ITPR2: variants seen among roughly 807,000 people sequenced by gnomAD.
ITPR2 encodes inositol 1,4,5-trisphosphate-gated calcium channel ITPR2.
Under a neutral mutation model 317.1 loss-of-function variants are expected in ITPR2, and 207 were observed. That is an observed-to-expected ratio of 0.65 (90% CI 0.58 to 0.73). The LOEUF is 0.73. Among genes scored for constraint, ITPR2 ranks in the 30% least tolerant of loss-of-function variants. The pLI, the probability that ITPR2 is intolerant of heterozygous loss-of-function variation, is 0.00. For synonymous variants in ITPR2, 1,156 were observed against 1,149.1 expected (o/e 1.01, Z -0.12); for missense variants, 2,613 against 3,284.0 (o/e 0.80, Z 4.99).
intron 49 of ITPR2, among the ~76,000 whole-genome samples, chr12:26,423,489 A>G (rs1940955646): frequency 6.6e-6 from 1 of 152,176 alleles, no homozygotes; most frequent in African/African-American, 2.4e-5. Context: ...GTACTATTAG[A>G]AAGGAAAAAT....
At chr12:26,635,875 T>C (rs1050150736) in intron 21 of ITPR2, among the ~76,000 whole-genome samples, 1 of 152,208 alleles carries the variant, frequency 6.6e-6, no homozygotes, top group Non-Finnish European at 1.5e-5. Context: ...GACTTTTCTG[T>C]ATGCAAAGAA....
At chr12:26,644,583 C>T (rs1003318613) in intron 21 of ITPR2, among the ~76,000 whole-genome samples, 1 of 152,196 alleles carries the variant, frequency 6.6e-6, no homozygotes, top group African/African-American at 2.4e-5. Context: ...AAAGTCATAT[C>T]TTACATGGCA....
At chr12:26,701,554 G>A (rs7310913) in intron 9 of ITPR2, among the ~76,000 whole-genome samples, 2 of 151,904 alleles carry the variant, frequency 1.3e-5, no homozygotes, top group Admixed American at 1.3e-4. Flanking sequence ...CATTTTATTC[G>A]TATGTATAGG....
At chr12:26,820,006 G>C (rs771697893) in intron 1 of ITPR2, among the ~76,000 whole-genome samples, 108 of 152,294 alleles carry the variant, frequency 7.1e-4, no homozygotes, top group Non-Finnish European at 1.2e-3. Context: ...AGGAGGCAGA[G>C]GTTGCAGTGA....
chr12:26,645,612 T>C (rs1016978143), intron 21 of ITPR2, among the ~76,000 whole-genome samples: 1 of 152,226 alleles, frequency 6.6e-6, no homozygotes, highest in East Asian at 1.9e-4. Context: ...AGAGGCAGCA[T>C]GGTGCTGGGA....
rs560385893 is a variant in ITPR2 at position 26,400,194 on chromosome 12, G to A, written c.7464C>T (p.Thr2488=). Residue 2488 remains threonine, a synonymous_variant, in exon 53 of 57, where the codon ACC becomes ACT. Coordinates refer to ENST00000381340, the MANE Select transcript of ITPR2 (RefSeq NM_002223.4). ...CATTCCTGAGGCCCTGGTTCAGCAC[G>A]GTGACAATGCACATAAGGAGAGTGT... The part of the protein sequence containing the change: ...TCDTLLMCIV[T]VLNQGLRNGG... 46 of 1,610,932 alleles carry A rather than the reference G, an allele frequency of 2.9e-5. No individual in the cohort carries two copies. Among genetic ancestry groups the A allele is most frequent in the Admixed American group, 8.3e-5 (5 of 59,888 alleles).
chr12:26,792,290 A>T (rs17403667), intron 1 of ITPR2, among the ~76,000 whole-genome samples: 24,436 of 151,770 alleles, frequency 0.16, 2,687 homozygotes, highest in Non-Finnish European at 0.24. Context: ...AGATAATGGA[A>T]GGAAGGAAAC....
chr12:26,342,302 C>T (rs1938142918), intron 55 of ITPR2, among the ~76,000 whole-genome samples: 1 of 152,046 alleles, frequency 6.6e-6, no homozygotes, highest in Admixed American at 6.5e-5. Flanking sequence ...AGCACTTATT[C>T]CTTTCAACAA....
chr12:26,690,985 C>T (rs10771293), intron 10 of ITPR2, among the ~76,000 whole-genome samples: 73,618 of 152,072 alleles, frequency 0.48, 18,486 homozygotes, highest in East Asian at 0.76. Context: ...ATAACAATTG[C>T]TTATGTGTGA....
intron 13 of ITPR2, among the ~76,000 whole-genome samples, chr12:26,670,039 A>G (rs1240668545): frequency 3.9e-5 from 6 of 152,238 alleles, no homozygotes; most frequent in Non-Finnish European, 8.8e-5. Flanking sequence ...TAAACAAAGC[A>G]GCCTGAAGCT....
At chr12:26,787,300 A>T (rs1445568013) in intron 2 of ITPR2, among the ~76,000 whole-genome samples, 1 of 152,256 alleles carries the variant, frequency 6.6e-6, no homozygotes, top group Admixed American at 6.5e-5. Flanking sequence ...AAGATAAATG[A>T]TTTAATCTAA....
chr12:26,450,722 C>G (rs1360469338), intron 45 of ITPR2, among the ~76,000 whole-genome samples: 1 of 152,128 alleles, frequency 6.6e-6, no homozygotes, highest in Non-Finnish European at 1.5e-5. Flanking sequence ...CCAGAACCAC[C>G]AGGAATATCC....
intron 1 of ITPR2, among the ~76,000 whole-genome samples, chr12:26,820,423 A>C (rs1750785530): frequency 6.6e-6 from 1 of 152,192 alleles, no homozygotes; most frequent in Admixed American, 6.5e-5. Flanking sequence ...CAAAACAAAA[A>C]GATCCCTGCC....
At chr12:26,539,297 T>C (rs1193545370) in intron 37 of ITPR2, among the ~76,000 whole-genome samples, 1 of 152,210 alleles carries the variant, frequency 6.6e-6, no homozygotes, top group Admixed American at 6.5e-5. Flanking sequence ...CAACAGTTCT[T>C]GGACTCTGCA....
Position 26,419,064 on chromosome 12 carries a change from G to T in ITPR2, c.7095C>A (p.Phe2365Leu). 6.2e-7 allele frequency: 1 copy of T among 1,613,352 alleles called. No individual in the cohort carries two copies. The highest frequency in any genetic ancestry group is 8.5e-7 in the Non-Finnish European group (1 of 1,179,630). ...ATGTACTCACCAGGAAGCTATAGAA[G>T]AATTCATGGACAAAAAGGCCCAGCA... ...VCMLGLFVHE[F>L]FYSFLLFDLV... Residue 2365 changes from phenylalanine to leucine, a missense_variant, in exon 50 of 57, where the codon TTC (phenylalanine) becomes TTA (leucine). Phe to Leu is a conservative substitution (Grantham distance 22). Around this residue, in one of 9 missense-constraint regions of ITPR2, gnomAD observed 78 missense variants for 110.3 expected, o/e 0.71. Coordinates refer to ENST00000381340, the MANE Select transcript of ITPR2 (RefSeq NM_002223.4).
intron 45 of ITPR2, among the ~76,000 whole-genome samples, chr12:26,455,815 A>C (rs74975867): frequency 6.6e-6 from 1 of 152,322 alleles, no homozygotes; most frequent in East Asian, 1.9e-4. Context: ...ATATGAACAA[A>C]GTTACTGCCT....
Position 26,446,671 on chromosome 12 carries a change from A to G in ITPR2, c.6343-3021T>C, listed in dbSNP as rs148480826. On this transcript the variant is annotated intron_variant, in intron 45 of 56. Coordinates refer to ENST00000381340, the MANE Select transcript of ITPR2 (RefSeq NM_002223.4). ...AGGCCTTTCTCCCTCCCATTGACTT[A>G]ATGACATGATTCTGCATTTGTCTAG... Among the ~76,000 whole-genome samples the G allele has an allele frequency of 2.6e-3, 382 of 149,776 alleles. 3 individuals carry two copies. Among genetic ancestry groups the G allele is most frequent in the African/African-American group, 9.0e-3 (365 of 40,698 alleles).
chr12:26,619,540 T>C (rs11048620), intron 26 of ITPR2, among the ~76,000 whole-genome samples: 1 of 152,084 alleles, frequency 6.6e-6, no homozygotes, highest in Non-Finnish European at 1.5e-5. Context: ...AGGTGAGGGA[T>C]GTCTAGGAAA....
At chr12:26,800,090 C>T (rs1207368680) in intron 1 of ITPR2, among the ~76,000 whole-genome samples, 1 of 152,204 alleles carries the variant, frequency 6.6e-6, no homozygotes, top group Non-Finnish European at 1.5e-5. Context: ...TAGTCTCACT[C>T]TCTTCTTCCA....
Sources: allele counts gnomAD v4.1 joint callset (sites outside exome capture counted in the v4.1 genomes callset), GRCh38; gene constraint gnomAD v4.1.1; regional missense constraint gnomAD v4.1.1; transcripts MANE v1.5; gene names NCBI Gene and HGNC (gene_info 2026-07-23, HGNC 2026-07-21).